NAV3: variants seen among roughly 807,000 people sequenced by gnomAD.
NAV3 encodes neuron navigator 3, also known as pore membrane and/or filament interacting like protein 1.
Under a neutral mutation model 244.7 loss-of-function variants are expected in NAV3, and 87 were observed. That is an observed-to-expected ratio of 0.36 (90% CI 0.30 to 0.42). The LOEUF is 0.42. NAV3 is among the 20% of genes least tolerant of loss of function. The pLI is 1.00. For missense variants in NAV3, 2,663 were observed against 2,893.3 expected, an observed-to-expected ratio of 0.92 and a Z score of 1.83; for synonymous variants, 1,126 against 1,042.2, an observed-to-expected ratio of 1.08 and a Z score of -1.55.
At chr12:77,729,419 A>G (rs1877025834) in intron 2 of NAV3, among the ~76,000 whole-genome samples, 1 of 152,018 alleles carries the variant, frequency 6.6e-6, no homozygotes, top group East Asian at 1.9e-4. Flanking sequence ...GAGTTCATAT[A>G]TGTGTGTTTA....
chr12:78,090,884 T>C (rs1186998277), intron 12 of NAV3, among the ~76,000 whole-genome samples: 1 of 151,918 alleles, frequency 6.6e-6, no homozygotes, highest in Non-Finnish European at 1.5e-5. Context: ...TTTCAAACTC[T>C]TAACAGTAAA....
In NAV3 at chr12:78,185,746, A is replaced by G. The variant is rs78304425; in HGVS notation, c.5790+48A>G. ...TTTATTACTAACAATGAGAATTACC[A>G]TGAGTCAAGTGTATTTTATGTGTGA... On this transcript the variant is annotated intron_variant, in intron 31 of 39. Coordinates refer to ENST00000397909, the MANE Select transcript of NAV3 (RefSeq NM_001024383.2). 1,979 of 1,480,472 alleles carry G rather than the reference A, an allele frequency of 1.3e-3. 23 individuals carry two copies. The African/African-American group carries it at 0.018, about 14-fold the overall frequency. 91.7% of individuals were successfully genotyped at this position (1,480,472 alleles called of 1,614,324 possible). A position where few individuals can be genotyped will look rare whatever the true frequency, so the allele number is the denominator to read the frequency against.
At chr12:77,921,904 A>ATT (rs1887742301) in intron 1 of NAV3, among the ~76,000 whole-genome samples, 1 of 152,126 alleles carries the variant, frequency 6.6e-6, no homozygotes, top group South Asian at 2.1e-4. Context: ...CAATTGTTTC[A>ATT]CGTGTAATAT....
At chr12:77,659,601 C>A (rs1476131739) in intron 2 of NAV3, among the ~76,000 whole-genome samples, 1 of 152,130 alleles carries the variant, frequency 6.6e-6, no homozygotes, top group African/African-American at 2.4e-5. Context: ...CCAGCCATCC[C>A]ATTACTGGGT....
At chr12:78,022,807 C>G (rs752087881) in intron 9 of NAV3, among the ~76,000 whole-genome samples, 2 of 152,182 alleles carry the variant, frequency 1.3e-5, no homozygotes, top group Non-Finnish European at 2.9e-5. Context: ...ATGACTACAG[C>G]ATCCTGCAGT....
chr12:77,612,422 T>A (rs79342776), intron 2 of NAV3, among the ~76,000 whole-genome samples: 5,468 of 152,198 alleles, frequency 0.036, 182 homozygotes, highest in African/African-American at 0.085. Context: ...AGAAAGAGGA[T>A]TTGTCAACTT....
In NAV3 at chr12:78,116,765, C is replaced by A. The variant is rs372018441; in HGVS notation, c.2637-7C>A. The A allele has an allele frequency of 8.2e-6, 13 of 1,578,640 alleles. No homozygotes were observed. The highest frequency in any genetic ancestry group is 1.7e-5 in the Admixed American group (1 of 58,550). ...TGATTCACTGCTCTTGCATGTCTTG[C>A]CTTTAGCTGGGATGACAGCAGTTCA... On this transcript the variant is annotated splice_region_variant and splice_polypyrimidine_tract_variant and intron_variant, in intron 12 of 39. Transcript: ENST00000397909.
intron 2 of NAV3, among the ~76,000 whole-genome samples, chr12:77,652,582 A>G (rs1872876680): frequency 6.6e-6 from 1 of 152,236 alleles, no homozygotes; most frequent in African/African-American, 2.4e-5. Context: ...AAAAAATCAT[A>G]CATTTATCAA....
intron 2 of NAV3, among the ~76,000 whole-genome samples, chr12:77,755,581 T>TCCTTTCCTTTCCTTTCCTTTCCTCCCTC (rs1565800350): frequency 5.9e-4 from 5 of 8,424 alleles, no homozygotes; most frequent in Admixed American, 9.8e-4. Context: ...TCCTTTCCTT[T>TCCTTTCCTTTCCTTTCCTTTCCTCCCTC]CCTCCCTCCC....
intron 23 of NAV3, among the ~76,000 whole-genome samples, chr12:78,162,898 A>G (rs1480380864): frequency 1.5e-5 from 2 of 130,216 alleles, no homozygotes; most frequent in African/African-American, 5.3e-5. Context: ...TATAATATAT[A>G]TATAAATATA....
chr12:77,806,860 T>C (rs1037930597), intron 2 of NAV3, among the ~76,000 whole-genome samples: 4 of 152,228 alleles, frequency 2.6e-5, no homozygotes, highest in African/African-American at 9.6e-5. Context: ...CTGTATTGGA[T>C]GCATATATAT....
At chr12:77,858,085 C>T (rs1878670000) in intron 1 of NAV3, among the ~76,000 whole-genome samples, 2 of 152,040 alleles carry the variant, frequency 1.3e-5, no homozygotes, top group African/African-American at 4.8e-5. Context: ...GGGGTCACTT[C>T]TATAGGAGAG....
At chr12:77,604,657 G>A (rs981826733) in intron 2 of NAV3, among the ~76,000 whole-genome samples, 47 of 151,554 alleles carry the variant, frequency 3.1e-4, no homozygotes, top group Admixed American at 2.2e-3. Context: ...TTTCTTTTTT[G>A]TGATGACTTT....
chr12:78,034,722 T>C (rs1202142432), intron 9 of NAV3, among the ~76,000 whole-genome samples: 1 of 152,198 alleles, frequency 6.6e-6, no homozygotes, highest in Non-Finnish European at 1.5e-5. Flanking sequence ...AATTTCACTA[T>C]GGTCTCAGGA....
chr12:78,008,781 ACTT>A (rs1387514132), intron 8 of NAV3, among the ~76,000 whole-genome samples: 1 of 152,124 alleles, frequency 6.6e-6, no homozygotes, highest in African/African-American at 2.4e-5. Context: ...TGCTATTCTG[ACTT>A]CAATAGTACT....
chr12:77,693,170 T>G (rs935049575), intron 2 of NAV3, among the ~76,000 whole-genome samples: 1 of 152,104 alleles, frequency 6.6e-6, no homozygotes, highest in Non-Finnish European at 1.5e-5. Context: ...AAAAGAAGCA[T>G]GTTTAGCTAT....
In NAV3 at chr12:78,119,711, G is replaced by A; in HGVS notation, c.3515G>A (p.Gly1172Glu). The A allele has an allele frequency of 1.2e-6, 2 of 1,614,128 alleles. No homozygotes were observed. Among genetic ancestry groups the A allele is most frequent in the Non-Finnish European group, 1.7e-6 (2 of 1,180,030 alleles). Residue 1172 changes from glycine (G) to glutamate (E), a missense_variant, in exon 15 of 40, where the codon GGG becomes GAG. Transcript: ENST00000397909. ...TCCAACGTCAGCAGCAAGTCTGCTGGGGCCACCACCTCGAAACTGAGAGAA... is the reference window on the plus strand; with the variant it reads ...TCCAACGTCAGCAGCAAGTCTGCTGAGGCCACCACCTCGAAACTGAGAGAA... ...IDSNVSSKSA[G>E]ATTSKLREPT... is the part of the protein sequence containing the mutation.
In NAV3 at chr12:77,994,819, G is replaced by A. The variant is rs1317193089; in HGVS notation, c.688G>A (p.Ala230Thr). Residue 230 changes from alanine (A) to threonine (T), a missense_variant, in exon 6 of 40, where the codon GCA becomes ACA. Physicochemically the swap from Ala to Thr is moderately conservative, Grantham distance 58. This residue lies in a region of NAV3 where 1,521 missense variants were observed against 1,497.0 expected (regional missense o/e 1.02). Transcript: ENST00000397909. ...CTCATACAGTCTGGCAGCCAGATAT[G>A]CAACTCAGTCTAATCACAGTGGAAT... ...DMQSSLAARY[A>T]TQSNHSGIAT... 3 of 1,610,648 alleles carry A rather than the reference G, an allele frequency of 1.9e-6. No homozygotes were observed. Among genetic ancestry groups the A allele is most frequent in the Non-Finnish European group, 1.7e-6 (2 of 1,178,266 alleles).
At chr12:78,123,926 T>G (rs1354519168) in intron 16 of NAV3, among the ~76,000 whole-genome samples, 1 of 152,212 alleles carries the variant, frequency 6.6e-6, no homozygotes, top group African/African-American at 2.4e-5. Context: ...CACATGTCAT[T>G]TATAAAACTT....
Sources: allele counts gnomAD v4.1 joint callset (sites outside exome capture counted in the v4.1 genomes callset), GRCh38; gene constraint gnomAD v4.1.1; regional missense constraint gnomAD v4.1.1; transcripts MANE v1.5; gene names NCBI Gene and HGNC (gene_info 2026-07-23, HGNC 2026-07-21).